PPP3CA: variants seen among roughly 807,000 people sequenced by gnomAD.
PPP3CA encodes protein phosphatase 3 catalytic subunit alpha.
Under a neutral mutation model 66.5 loss-of-function variants are expected in PPP3CA, and 14 were observed. That is an observed-to-expected ratio of 0.21 (90% CI 0.14 to 0.33). PPP3CA has a LOEUF of 0.33. Among genes scored for constraint, PPP3CA ranks in the 10% least tolerant of loss-of-function variants. PPP3CA has a pLI of 1.00. For synonymous variants in PPP3CA, 232 were observed against 226.2 expected (o/e 1.03, Z -0.23); for missense variants, 317 against 639.5 (o/e 0.50, Z 5.44).
At chr4:101,028,286 G>A (rs1001379874) in intron 13 of PPP3CA, among the ~76,000 whole-genome samples, 3 of 152,146 alleles carry the variant, frequency 2.0e-5, no homozygotes, top group African/African-American at 7.2e-5. Flanking sequence ...GATATGGTAT[G>A]TATAATAAAT....
intron 6 of PPP3CA, among the ~76,000 whole-genome samples, chr4:101,085,176 T>G (rs1729609505): frequency 6.6e-6 from 1 of 152,222 alleles, no homozygotes; most frequent in African/African-American, 2.4e-5. Flanking sequence ...CAATAAATGT[T>G]CCTTCCCTAT....
At chr4:101,101,724 G>T (rs1730451617) in intron 3 of PPP3CA, among the ~76,000 whole-genome samples, 1 of 151,952 alleles carries the variant, frequency 6.6e-6, no homozygotes, top group Admixed American at 6.6e-5. Context: ...CAAATCCCAT[G>T]AAACCACTAC....
Position 101,285,653 on chromosome 4 carries a change from G to T in PPP3CA, c.58+61086C>A, listed in dbSNP as rs1271488598. Among the ~76,000 whole-genome samples the T allele has an allele frequency of 7.2e-5, 8 of 111,678 alleles. No homozygotes were observed. The South Asian group carries it at 2.3e-3, about 32-fold the overall frequency. The allele number at this position is 111,678 out of a possible 152,430, so 73.3% of individuals were successfully genotyped here. A position where few individuals can be genotyped will look rare whatever the true frequency, so the allele number is the denominator to read the frequency against. ...TGTGTGTGTGTGTGTGTGTGTGTGT[G>T]TTTTCTAATACATATCGATGTTGGC... On this transcript the variant is annotated intron_variant, in intron 1 of 13. Transcript: ENST00000394854.
chr4:101,042,310 G>A (rs982340043), intron 10 of PPP3CA, among the ~76,000 whole-genome samples: 1 of 151,684 alleles, frequency 6.6e-6, no homozygotes, highest in Non-Finnish European at 1.5e-5. Flanking sequence ...GTTCCCCAGA[G>A]GGTGTGTGAA....
chr4:101,156,053 G>A (rs903176578), intron 2 of PPP3CA, among the ~76,000 whole-genome samples: 1 of 152,158 alleles, frequency 6.6e-6, no homozygotes, highest in African/African-American at 2.4e-5. Context: ...AAGTCAGAGT[G>A]GGGTTTCACA....
At position 101,292,650 on chromosome 4, in the gene PPP3CA, G is replaced by A. The variant is rs1728066556; in HGVS notation, c.58+54089C>T. Among the ~76,000 whole-genome samples, 2 of 152,078 alleles carry A rather than the reference G, an allele frequency of 1.3e-5. 1 individual carries two copies. Among genetic ancestry groups the A allele is most frequent in the South Asian group, 4.1e-4 (2 of 4,824 alleles). The stretch of plus-strand genomic sequence containing the variant: ...CTATTGCCACAGAACTCCTTAATCA[G>A]GCTCTTCTCAATTTAGAAAAATAAA... On this transcript the variant is annotated intron_variant, in intron 1 of 13. Transcript: ENST00000394854.
At chr4:101,040,599 A>G in intron 10 of PPP3CA, 33 bp from the exon 11 acceptor site, 2 of 1,535,862 alleles carry the variant, frequency 1.3e-6, no homozygotes, top group East Asian at 2.3e-5. Context: ...GTGGTCAGTA[A>G]TTTTTTATCT....
In PPP3CA at chr4:101,118,956, A is replaced by ATTT. The variant is rs201507463; in HGVS notation, c.260-9881_260-9879dup. On this transcript the variant is annotated intron_variant, in intron 2 of 13. Coordinates refer to ENST00000394854, the MANE Select transcript of PPP3CA (RefSeq NM_000944.5). The stretch of plus-strand genomic sequence containing the variant: ...CTATAAGGAGACTCAGAACTTACAG[A>ATTT]TTTTTTTTTTTTTTTTTTTTTTTAA... 6.7e-3 allele frequency among the ~76,000 whole-genome samples: 866 copies of ATTT among 129,910 alleles called. 17 individuals are homozygous for ATTT. Among genetic ancestry groups the ATTT allele is most frequent in the African/African-American group, 0.024 (826 of 33,774 alleles). 85.2% of individuals were successfully genotyped at this position (129,910 alleles called of 152,430 possible). A position where few individuals can be genotyped will look rare whatever the true frequency, so the allele number is the denominator to read the frequency against.
intron 1 of PPP3CA, among the ~76,000 whole-genome samples, chr4:101,248,863 T>A (rs895815620): frequency 6.6e-6 from 1 of 152,194 alleles, no homozygotes; most frequent in Non-Finnish European, 1.5e-5. Flanking sequence ...AACGACACTT[T>A]AAAAAACAAA....
chr4:101,177,336 C>T (rs1387339020), intron 2 of PPP3CA, among the ~76,000 whole-genome samples: 1 of 151,994 alleles, frequency 6.6e-6, no homozygotes, highest in African/African-American at 2.4e-5. Context: ...AGAATGAAAA[C>T]CAACAAGGGC....
chr4:101,264,326 A>AT (rs1560687715), intron 1 of PPP3CA, among the ~76,000 whole-genome samples: 1 of 152,016 alleles, frequency 6.6e-6, no homozygotes, highest in Non-Finnish European at 1.5e-5. Context: ...TTGCATTTGA[A>AT]TTTTTTGACT....
chr4:101,217,504 G>A (rs1042801085), intron 1 of PPP3CA, among the ~76,000 whole-genome samples: 1 of 152,090 alleles, frequency 6.6e-6, no homozygotes, highest in Non-Finnish European at 1.5e-5. Context: ...ACAGTGTAGT[G>A]TTTACTGGCC....
chr4:101,168,869 T>C (rs570082514), intron 2 of PPP3CA, among the ~76,000 whole-genome samples: 9 of 152,340 alleles, frequency 5.9e-5, no homozygotes, highest in Admixed American at 5.9e-4. Flanking sequence ...GTCTTTTGTA[T>C]CTGCTTACAC....
At chr4:101,339,467 A>G (rs897536330) in intron 1 of PPP3CA, among the ~76,000 whole-genome samples, 9 of 152,224 alleles carry the variant, frequency 5.9e-5, no homozygotes. Context: ...GCAGGGACAA[A>G]GTGAGTTCAA....
intron 2 of PPP3CA, among the ~76,000 whole-genome samples, chr4:101,168,646 G>C (rs561089157): frequency 6.6e-6 from 1 of 152,142 alleles, no homozygotes; most frequent in Non-Finnish European, 1.5e-5. Context: ...AGGGAAGAAA[G>C]TATTGAAAGA....
chr4:101,108,888 CT>C (rs1185866912), intron 3 of PPP3CA, 65 bp downstream of exon 3: 3 of 1,506,682 alleles, frequency 2.0e-6, no homozygotes, highest in South Asian at 1.3e-5. Flanking sequence ...ACATTTACTG[CT>C]TTTATTTTTT....
intron 1 of PPP3CA, among the ~76,000 whole-genome samples, chr4:101,282,861 T>A (rs1429540765): frequency 6.6e-6 from 1 of 152,180 alleles, no homozygotes; most frequent in East Asian, 1.9e-4. Context: ...AAACAGCTCA[T>A]CCAACTCTAA....
intron 1 of PPP3CA, among the ~76,000 whole-genome samples, chr4:101,214,038 C>T (rs930865569): frequency 6.6e-6 from 1 of 152,134 alleles, no homozygotes; most frequent in African/African-American, 2.4e-5. Flanking sequence ...AATCTGTACT[C>T]ATATGCCAGC....
chr4:101,174,060 T>TAAACAAAC (rs773319849), intron 2 of PPP3CA, among the ~76,000 whole-genome samples: 2 of 150,352 alleles, frequency 1.3e-5, no homozygotes, highest in African/African-American at 2.5e-5. Flanking sequence ...TTAAAACAAA[T>TAAACAAAC]AAACAAACAA....
Sources: allele counts gnomAD v4.1 joint callset (sites outside exome capture counted in the v4.1 genomes callset), GRCh38; gene constraint gnomAD v4.1.1; transcripts MANE v1.5; gene names NCBI Gene and HGNC (gene_info 2026-07-23, HGNC 2026-07-21).